The following DCC variants were observed in gnomAD, a reference collection of about 807,000 sequenced individuals.
DCC encodes the protein DCC netrin 1 receptor.
DCC carries 58 observed loss-of-function variants against 172.5 expected under a neutral mutation model. That is an observed-to-expected ratio of 0.34 (90% CI 0.27 to 0.42). The LOEUF (loss-of-function observed/expected upper bound fraction) is 0.42. Ranked by LOEUF, DCC falls within the 10% of genes least tolerant of loss-of-function variation. The pLI, the probability that DCC is intolerant of heterozygous loss-of-function variation, is 1.00. For missense variants in DCC, 1,740 were observed against 1,791.0 expected (o/e 0.97, Z 0.51); for synonymous variants, 709 against 644.5 (o/e 1.10, Z -1.52).
chr18:52,340,819 C>A lies in DCC; in HGVS notation c.32C>A (p.Pro11His), dbSNP rs1297820968. The change falls in exon 1 of 29, where the codon CCC becomes CAC. Residue 11 changes from proline (P) to histidine (H), a missense_variant. Physicochemically the swap from Pro to His is moderately conservative, Grantham distance 77. Around this residue, in one of 2 missense-constraint regions of DCC, gnomAD observed 1,732 missense variants for 1,767.4 expected, o/e 0.98. Transcript: ENST00000442544. MENSLRCVWVPKLAFVLFGAS... is the reference protein window; with the variant it reads MENSLRCVWVHKLAFVLFGAS... ...AATAGTCTTAGATGTGTTTGGGTAC[C>A]CAAGCTGGCTTTTGTACTCTTCGGA... 2.5e-6 allele frequency: 4 copies of A among 1,613,990 alleles called. No individual in the cohort carries two copies. In the East Asian group the frequency reaches 6.7e-5, roughly 27 times the overall value.
At chr18:52,868,484 A>C (rs2039264680) in intron 2 of DCC, among the ~76,000 whole-genome samples, 1 of 152,180 alleles carries the variant, frequency 6.6e-6, no homozygotes, top group Non-Finnish European at 1.5e-5. Context: ...GCTGTTGCAA[A>C]AGTATGACAG....
chr18:53,455,294 T>C lies in DCC; in HGVS notation c.3393-3938T>C, dbSNP rs540603130. The stretch of plus-strand genomic sequence containing the variant: ...GGGAACAACTTTAGCAGACGATGCC[T>C]GAGTCCGTAGTGGAAATTTAATAAT... On this transcript the variant is annotated intron_variant, in intron 23 of 28. Transcript: ENST00000442544. Among the ~76,000 whole-genome samples the C allele has an allele frequency of 4.6e-5, 7 of 152,302 alleles. No homozygotes were observed. In the East Asian group the frequency reaches 1.4e-3, roughly 29 times the overall value.
intron 25 of DCC, among the ~76,000 whole-genome samples, chr18:53,477,652 T>C (rs2045782205): frequency 6.6e-6 from 1 of 152,226 alleles, no homozygotes; most frequent in South Asian, 2.1e-4. Flanking sequence ...AGATAAAACA[T>C]AAGTTATCTG....
intron 24 of DCC, among the ~76,000 whole-genome samples, chr18:53,463,214 C>T (rs942702731): frequency 6.6e-6 from 1 of 152,204 alleles, no homozygotes; most frequent in Non-Finnish European, 1.5e-5. Flanking sequence ...AAGACACATC[C>T]TTCTAACCTT....
intron 2 of DCC, among the ~76,000 whole-genome samples, chr18:52,812,610 G>A (rs978254500): frequency 6.6e-6 from 1 of 152,162 alleles, no homozygotes; most frequent in Non-Finnish European, 1.5e-5. Flanking sequence ...GCCAAAACCT[G>A]GGTAGAACTC....
intron 6 of DCC, among the ~76,000 whole-genome samples, chr18:53,063,960 G>A (rs1296631017): frequency 2.0e-5 from 3 of 152,128 alleles, no homozygotes; most frequent in Non-Finnish European, 4.4e-5. Context: ...CATTGAGAAA[G>A]GCAGTGGTGA....
intron 22 of DCC, among the ~76,000 whole-genome samples, chr18:53,450,120 GATATATAT>G (rs59116255): frequency 0.49 from 72,221 of 147,232 alleles, 18,394 homozygotes; most frequent in Non-Finnish European, 0.58. Context: ...ATCATAGGGG[GATATATAT>G]ATATATATAT....
intron 2 of DCC, among the ~76,000 whole-genome samples, chr18:52,796,111 TC>T (rs2037873388): frequency 1.3e-5 from 2 of 148,826 alleles, no homozygotes; most frequent in Non-Finnish European, 3.0e-5. Flanking sequence ...TCTTTTTTTA[TC>T]CCTTCACTTT....
chr18:53,226,948 A>AT lies in DCC; in HGVS notation c.1911+11370dup, dbSNP rs397976119. On this transcript the variant is annotated intron_variant, in intron 12 of 28. Transcript: ENST00000442544. ...TGTGTGTGTGTGTATATATATATAT[A>AT]TTTTTTTTTTTTTTTTTTTGAGGCA... 7.9e-4 allele frequency among the ~76,000 whole-genome samples: 42 copies of AT among 52,956 alleles called. 1 individual carries two copies. The highest frequency in any genetic ancestry group is 6.2e-3 in the East Asian group (25 of 4,002). 34.7% of individuals were successfully genotyped at this position (52,956 alleles called of 152,430 possible). A position where few individuals can be genotyped will look rare whatever the true frequency, so the allele number is the denominator to read the frequency against.
At chr18:53,274,384 C>G (rs2144713929) in intron 12 of DCC, among the ~76,000 whole-genome samples, 1 of 152,190 alleles carries the variant, frequency 6.6e-6, no homozygotes, top group East Asian at 1.9e-4. Flanking sequence ...ACTTTTCATC[C>G]TATTAGGAAC....
chr18:52,538,767 G>A (rs2032355029), intron 1 of DCC, among the ~76,000 whole-genome samples: 1 of 151,158 alleles, frequency 6.6e-6, no homozygotes, highest in Non-Finnish European at 1.5e-5. Flanking sequence ...TTACAAACAT[G>A]TTTTTTTTTC....
At chr18:52,502,988 C>T (rs554666722) in intron 1 of DCC, among the ~76,000 whole-genome samples, 19 of 152,140 alleles carry the variant, frequency 1.2e-4, no homozygotes, top group Middle Eastern at 3.2e-3. Flanking sequence ...AAAAATTTGA[C>T]GCAGCAGTAC....
In DCC at chr18:52,898,089, C is replaced by T. The variant is rs908493332; in HGVS notation, c.413-7955C>T. ...GCTTTGAAGGGATGTAACCTTCAGG[C>T]TTTAATTTGGAGCAAACAAAGCATT... On this transcript the variant is annotated intron_variant, in intron 2 of 28. Coordinates refer to ENST00000442544, the MANE Select transcript of DCC (RefSeq NM_005215.4). 5.3e-5 allele frequency among the ~76,000 whole-genome samples: 8 copies of T among 152,310 alleles called. No homozygotes were observed. In the South Asian group the frequency reaches 6.2e-4, roughly 12 times the overall value.
chr18:53,382,664 A>G (rs942815981), intron 15 of DCC, among the ~76,000 whole-genome samples: 1 of 152,120 alleles, frequency 6.6e-6, no homozygotes, highest in African/African-American at 2.4e-5. Flanking sequence ...TGGATCTCAA[A>G]GCGCATTTAA....
chr18:52,478,455 T>C (rs1377543551), intron 1 of DCC, among the ~76,000 whole-genome samples: 1 of 152,200 alleles, frequency 6.6e-6, no homozygotes, highest in East Asian at 1.9e-4. Flanking sequence ...TGTAGAGGAA[T>C]GTTCAGTGTT....
At position 53,173,361 on chromosome 18, in the gene DCC, T is replaced by C. The variant is rs568318892; in HGVS notation, c.1419-5601T>C. Among the ~76,000 whole-genome samples the C allele has an allele frequency of 5.3e-5, 8 of 152,298 alleles. No individual in the cohort carries two copies. The South Asian group carries it at 1.7e-3, about 32-fold the overall frequency. The stretch of plus-strand genomic sequence containing the variant: ...TATCCAGATTCATACAGGGTGCTTT[T>C]TCTCTATTGTGGTAAAACATATCTT... On this transcript the variant is annotated intron_variant, in intron 8 of 28. Coordinates refer to ENST00000442544, the MANE Select transcript of DCC (RefSeq NM_005215.4).
chr18:53,107,846 T>C (rs1158624973), intron 7 of DCC, among the ~76,000 whole-genome samples: 4 of 151,860 alleles, frequency 2.6e-5, no homozygotes, highest in African/African-American at 9.7e-5. Flanking sequence ...CTGTGCTTTA[T>C]TTAAGCTCAA....
intron 5 of DCC, among the ~76,000 whole-genome samples, chr18:53,050,799 C>T (rs1452335400): frequency 1.3e-5 from 2 of 152,074 alleles, no homozygotes; most frequent in South Asian, 4.1e-4. Context: ...CAGCCAGGAC[C>T]TCCAGTACTA....
rs540186587 is a variant in DCC, at chr18:53,230,663, C to T, written c.1911+15066C>T. Among the ~76,000 whole-genome samples the T allele has an allele frequency of 4.6e-5, 7 of 152,026 alleles. No homozygotes were observed. In the South Asian group the frequency reaches 6.2e-4, roughly 14 times the overall value. ...ATTGTAGTATAATAGGCTAATTAGA[C>T]CAGTTAGTAATTTTTTCCCTTACTT... On this transcript the variant is annotated intron_variant, in intron 12 of 28. Coordinates refer to ENST00000442544, the MANE Select transcript of DCC (RefSeq NM_005215.4).
Sources: gnomAD v4.1 joint callset for allele counts (sites outside exome capture counted in the v4.1 genomes callset) on GRCh38, gnomAD v4.1.1 for gene constraint, gnomAD v4.1.1 regional missense constraint, MANE v1.5 for transcripts, NCBI Gene and HGNC (gene_info 2026-07-23, HGNC 2026-07-21) for gene names.